The following JHY variants were observed in gnomAD, a reference collection of about 807,000 sequenced individuals.
JHY encodes the protein junctional cadherin complex regulator, also known as jhy protein homolog.
JHY carries 69 observed loss-of-function variants against 78.0 expected under a neutral mutation model. The ratio of observed to expected loss-of-function variants is 0.88; its 90% CI spans 0.73 to 1.08. The LOEUF is 1.08. Ranked by LOEUF, JHY falls within the 50% of genes least tolerant of loss-of-function variation. The pLI, the probability that JHY is intolerant of heterozygous loss-of-function variation, is 0.00. For synonymous variants in JHY, 368 were observed against 342.6 expected (o/e 1.07, Z -0.82); for missense variants, 944 against 927.8 (o/e 1.02, Z -0.23).
In JHY at chr11:122,939,005, C is replaced by T. The variant is rs1293366753; in HGVS notation, c.1634+3930C>T. 8.2e-5 allele frequency among the ~76,000 whole-genome samples: 12 copies of T among 147,052 alleles called. No homozygotes were observed. In the East Asian group the frequency reaches 1.4e-3, roughly 17 times the overall value. ...CTTCTTCTTTTTTTTTTTTTTTTTCCGGAGACGGAGTCTCACTCTGTTGCC... is the reference window on the plus strand; with the variant it reads ...CTTCTTCTTTTTTTTTTTTTTTTTCTGGAGACGGAGTCTCACTCTGTTGCC... On this transcript the variant is annotated intron_variant, in intron 5 of 8. Coordinates refer to ENST00000227349, the MANE Select transcript of JHY (RefSeq NM_024806.4).
In JHY at chr11:122,961,536, G is replaced by A. The variant is rs952521213; in HGVS notation, c.*2091G>A. Among the ~76,000 whole-genome samples the A allele has an allele frequency of 6.6e-6, 1 of 152,142 alleles. No homozygotes were observed. The highest frequency in any genetic ancestry group is 2.4e-5 in the African/African-American group (1 of 41,440). On this transcript the variant is annotated 3_prime_UTR_variant, in exon 9 of 9. Transcript: ENST00000227349. The stretch of plus-strand genomic sequence containing the variant: ...CGCCCGGCTAATTTTTATACTTTTA[G>A]TAGAGGCAGGGTTTCGCCATGTTGA...
chr11:122,938,520 C>G (rs575426471), intron 5 of JHY, among the ~76,000 whole-genome samples: 111 of 152,208 alleles, frequency 7.3e-4, no homozygotes, highest in African/African-American at 2.5e-3. Context: ...TTCAACAAGG[C>G]AAAATAGGGT....
intron 5 of JHY, among the ~76,000 whole-genome samples, chr11:122,939,795 T>C (rs547948756): frequency 1.3e-3 from 205 of 152,176 alleles, no homozygotes; most frequent in African/African-American, 4.7e-3. Context: ...AATCACAATA[T>C]TTTATCTCTA....
Position 122,960,860 on chromosome 11 carries a change from G to A in JHY, c.*1415G>A, listed in dbSNP as rs1864298100. Reference sequence around the variant, plus strand: ...ATGTGCAGAGGAATAACATTGCTATGGCTGTGGAGGTTACTTACTGGGAAT... The same window carrying A: ...ATGTGCAGAGGAATAACATTGCTATAGCTGTGGAGGTTACTTACTGGGAAT... On this transcript the variant is annotated 3_prime_UTR_variant, in exon 9 of 9. Transcript: ENST00000227349. The A allele has an allele frequency of 1.5e-6, 1 of 669,680 alleles. No individual in the cohort carries two copies. The highest frequency in any genetic ancestry group is 1.8e-5 in the Admixed American group (1 of 55,652). The allele number at this position is 669,680 out of a possible 1,614,324, so 41.5% of individuals were successfully genotyped here. A position where few individuals can be genotyped will look rare whatever the true frequency, so the allele number is the denominator to read the frequency against.
In JHY at chr11:122,898,455, A is replaced by G. The variant is rs1229050061; in HGVS notation, c.345-5470A>G. Reference sequence around the variant, plus strand: ...TTTCCTCGTCTGTTAAATGGGGGTAATAATAGTACTTCCCTTAACATTGTT... The same window carrying G: ...TTTCCTCGTCTGTTAAATGGGGGTAGTAATAGTACTTCCCTTAACATTGTT... On this transcript the variant is annotated intron_variant, in intron 2 of 8. Coordinates refer to ENST00000227349, the MANE Select transcript of JHY (RefSeq NM_024806.4). This position sits in a 1 kb window ranked among gnomAD's most constrained non-coding sequence, Gnocchi z 4.4. Among the ~76,000 whole-genome samples the G allele has an allele frequency of 6.6e-6, 1 of 152,170 alleles. No individual in the cohort carries two copies. Among genetic ancestry groups the G allele is most frequent in the Admixed American group, 6.5e-5 (1 of 15,274 alleles).
At chr11:122,956,689 G>A (rs984919667) in intron 7 of JHY, 113 bp downstream of exon 7, 8 of 732,412 alleles carry the variant, frequency 1.1e-5, no homozygotes, top group Non-Finnish European at 1.5e-5. Flanking sequence ...GTCTCACTCT[G>A]AATAGAGACC....
Position 122,959,016 on chromosome 11 carries a change from C to T in JHY, c.2140-232C>T, listed in dbSNP as rs1056789336. ...GACAAAAGCATCCAAAGGACACAAC[C>T]GTATGTATTATTCTTCAACTCCTTT... On this transcript the variant is annotated intron_variant, in intron 8 of 8. Transcript: ENST00000227349. The T allele has an allele frequency of 5.3e-5, 52 of 983,980 alleles. No homozygotes were observed. In the Admixed American group the frequency reaches 6.2e-4, roughly 12 times the overall value. The allele number at this position is 983,980 out of a possible 1,614,324, so 61.0% of individuals were successfully genotyped here.
chr11:122,959,665 A>G lies in JHY; in HGVS notation c.*220A>G. On this transcript the variant is annotated 3_prime_UTR_variant, in exon 9 of 9. Transcript: ENST00000227349. ...AATTTTTTAAATTATTTATTTTCAA[A>G]TCAGTTAGAATTGGAGCTGAATAAT... 2.0e-6 allele frequency: 1 copy of G among 504,576 alleles called. No homozygotes were observed. The highest frequency in any genetic ancestry group is 3.5e-6 in the Non-Finnish European group (1 of 286,402). The allele number at this position is 504,576 out of a possible 1,614,324, so 31.3% of individuals were successfully genotyped here.
intron 6 of JHY, among the ~76,000 whole-genome samples, chr11:122,951,035 T>C (rs1864074264): frequency 6.6e-6 from 1 of 152,218 alleles, no homozygotes; most frequent in Non-Finnish European, 1.5e-5. Flanking sequence ...AATGAGCTAT[T>C]TGTATAGGAC....
intron 4 of JHY, among the ~76,000 whole-genome samples, chr11:122,932,306 G>A (rs1197134765): frequency 6.6e-6 from 1 of 152,164 alleles, no homozygotes; most frequent in Admixed American, 6.6e-5. Flanking sequence ...GCACTTATAT[G>A]TATGTGAATA....
intron 3 of JHY, among the ~76,000 whole-genome samples, chr11:122,912,006 G>T (rs1368436471): frequency 6.6e-6 from 1 of 150,740 alleles, no homozygotes; most frequent in African/African-American, 2.4e-5. Context: ...TAAACTGGGG[G>T]TTGGGCATGG....
At chr11:122,905,163 C>T (rs745652319) in intron 3 of JHY, 8 of 1,604,824 alleles carry the variant, frequency 5.0e-6, no homozygotes, top group Non-Finnish European at 5.1e-6. Flanking sequence ...GCCTTCTCTT[C>T]CTCATCAGGT....
chr11:122,938,701 T>C (rs1289646366), intron 5 of JHY, among the ~76,000 whole-genome samples: 1 of 152,130 alleles, frequency 6.6e-6, no homozygotes, highest in Non-Finnish European at 1.5e-5. Context: ...CATGATCAAG[T>C]ATGAGGGACT....
intron 4 of JHY, among the ~76,000 whole-genome samples, chr11:122,933,572 C>A (rs2135353676): frequency 1.3e-5 from 2 of 152,264 alleles, no homozygotes; most frequent in Middle Eastern, 6.8e-3. Flanking sequence ...TGAAATATTT[C>A]CCCCAGATGT....
At chr11:122,943,450 T>C (rs1032747858) in intron 5 of JHY, among the ~76,000 whole-genome samples, 1 of 152,206 alleles carries the variant, frequency 6.6e-6, no homozygotes, top group Non-Finnish European at 1.5e-5. Context: ...TATACTTACA[T>C]TCTATGTACG....
chr11:122,936,424 G>A (rs957300122), intron 5 of JHY, among the ~76,000 whole-genome samples: 3 of 150,156 alleles, frequency 2.0e-5, no homozygotes, highest in African/African-American at 7.4e-5. Context: ...AGGCATCTTT[G>A]TCTTTTTTTT....
chr11:122,889,730 A>G (rs1275197881), intron 2 of JHY, among the ~76,000 whole-genome samples: 1 of 152,080 alleles, frequency 6.6e-6, no homozygotes, highest in Non-Finnish European at 1.5e-5. Flanking sequence ...TTATTCAGTC[A>G]CCCAAGGGTG....
chr11:122,958,899 C>T (rs1218549386), intron 8 of JHY: 7 of 984,168 alleles, frequency 7.1e-6, no homozygotes, highest in Non-Finnish European at 8.4e-6. Flanking sequence ...CTATTAATAT[C>T]TCCTTAATAG....
Position 122,904,215 on chromosome 11 carries a change from A to C in JHY, c.635A>C (p.Glu212Ala). 4 of 1,614,168 alleles carry C rather than the reference A, an allele frequency of 2.5e-6. No homozygotes were observed. Among genetic ancestry groups the C allele is most frequent in the Non-Finnish European group, 2.5e-6 (3 of 1,180,038 alleles). ...HGARRSKPFS[E>A]LSDSDLEEKS... ...GCCCGTCGCAGCAAGCCGTTTTCAG[A>C]GCTGAGCGACAGTGACCTGGAGGAG... The change falls in exon 3 of 9, where the codon GAG (glutamate) becomes GCG (alanine). Residue 212 changes from glutamate to alanine, a missense_variant. By Grantham distance (107) the Glu-to-Ala change is moderately radical. Coordinates refer to ENST00000227349, the MANE Select transcript of JHY (RefSeq NM_024806.4).
Sources: allele counts gnomAD v4.1 joint callset (sites outside exome capture counted in the v4.1 genomes callset), GRCh38; gene constraint gnomAD v4.1.1; non-coding constraint Gnocchi (gnomAD v3.1); transcripts MANE v1.5; gene names NCBI Gene and HGNC (gene_info 2026-07-23, HGNC 2026-07-21).